Variants in NR2F1-AS1 observed in about 807,000 individuals in gnomAD.
NR2F1-AS1 encodes the protein NR2F1 antisense RNA 1.
At chr5:93,498,570 C>T (rs1478949880) in intron 4 of NR2F1-AS1, among the ~76,000 whole-genome samples, 5 of 151,928 alleles carry the variant, frequency 3.3e-5, no homozygotes, top group African/African-American at 4.8e-5. Flanking sequence ...TATTCAAACT[C>T]GCAGAACAGC....
chr5:93,461,648 A>T (rs1750096824), intron 4 of NR2F1-AS1, among the ~76,000 whole-genome samples: 1 of 152,222 alleles, frequency 6.6e-6, no homozygotes, highest in Admixed American at 6.5e-5. Flanking sequence ...TTACCTTCAA[A>T]GCAAAGAGGT....
rs370794079 is a variant in NR2F1-AS1, at chr5:93,552,446, T to C, written n.638+1315A>G. On this transcript the variant is annotated intron_variant and non_coding_transcript_variant, in intron 4 of 5. Transcript: ENST00000660523. ...TAACATGTAAGAAGTACATGTTACA[T>C]GTTGGGTGGTAAGGGAAAAGGCTGC... Among the ~76,000 whole-genome samples the C allele has an allele frequency of 5.3e-5, 8 of 152,224 alleles. No homozygotes were observed. The South Asian group carries it at 1.7e-3, about 32-fold the overall frequency.
At chr5:93,487,245 G>C (rs550904556) in intron 4 of NR2F1-AS1, among the ~76,000 whole-genome samples, 1 of 151,952 alleles carries the variant, frequency 6.6e-6, no homozygotes, top group Non-Finnish European at 1.5e-5. Flanking sequence ...AGTTCTGGCC[G>C]CAGCAATCAA....
At chr5:93,564,249 ATG>A (rs1752567431) in intron 1 of NR2F1-AS1, among the ~76,000 whole-genome samples, 1 of 151,186 alleles carries the variant, frequency 6.6e-6, no homozygotes, top group Non-Finnish European at 1.5e-5. Flanking sequence ...GTTCCCAAGT[ATG>A]CATTTGTAGA....
intron 4 of NR2F1-AS1, among the ~76,000 whole-genome samples, chr5:93,472,953 A>C (rs1236769842): frequency 6.6e-6 from 1 of 151,974 alleles, no homozygotes; most frequent in African/African-American, 2.4e-5. Context: ...GTTTTGATTT[A>C]AACATGACCT....
In NR2F1-AS1 at chr5:93,579,312, G is replaced by C. The variant is rs2149934724; in HGVS notation, n.313+1155C>G. Reference sequence around the variant, plus strand: ...TTCCCACTCCCACCCCTGGGACTAGGACAGGGGACTTCACCCTCCTCCTTC... The same window carrying C: ...TTCCCACTCCCACCCCTGGGACTAGCACAGGGGACTTCACCCTCCTCCTTC... On this transcript the variant is annotated intron_variant and non_coding_transcript_variant, in intron 1 of 5. Coordinates refer to ENST00000660523, the Ensembl canonical transcript of NR2F1-AS1. This position sits in a 1 kb window ranked among gnomAD's most constrained non-coding sequence, Gnocchi z 5.1. Among the ~76,000 whole-genome samples the C allele has an allele frequency of 6.6e-6, 1 of 152,100 alleles. No homozygotes were observed. The highest frequency in any genetic ancestry group is 2.1e-4 in the South Asian group (1 of 4,810).
rs1752979166 is a variant in NR2F1-AS1, at chr5:93,579,817, C to T, written n.313+650G>A. 1.3e-5 allele frequency among the ~76,000 whole-genome samples: 2 copies of T among 152,236 alleles called. No individual in the cohort carries two copies. Among genetic ancestry groups the T allele is most frequent in the Admixed American group, 6.5e-5 (1 of 15,288 alleles). On this transcript the variant is annotated intron_variant and non_coding_transcript_variant, in intron 1 of 5. Coordinates refer to ENST00000660523, the Ensembl canonical transcript of NR2F1-AS1. The surrounding 1 kb of genome is among the most constrained non-coding windows in gnomAD (Gnocchi z 5.1). ...CAGGGAGTCTGGCTCGGCTGCTAGGCTGCGAATCCCGGTGCTCTCTCGCCG... is the reference window on the plus strand; with the variant it reads ...CAGGGAGTCTGGCTCGGCTGCTAGGTTGCGAATCCCGGTGCTCTCTCGCCG...
intron 4 of NR2F1-AS1, among the ~76,000 whole-genome samples, chr5:93,532,463 T>C (rs1372579029): frequency 6.6e-6 from 1 of 152,038 alleles, no homozygotes; most frequent in Non-Finnish European, 1.5e-5. Flanking sequence ...CAACTCTCAG[T>C]AGTCTGTTGG....
chr5:93,585,161 G>T, upstream of NR2F1-AS1: 1 of 1,195,502 alleles, frequency 8.4e-7, no homozygotes. Context: ...AGGCGGGCTC[G>T]GGCGCGCCGC....
chr5:93,456,096 T>C (rs1158401451), intron 4 of NR2F1-AS1, among the ~76,000 whole-genome samples: 1 of 152,080 alleles, frequency 6.6e-6, no homozygotes, highest in Non-Finnish European at 1.5e-5. Context: ...AAAAAAATAA[T>C]AACAGGCACA....
intron 2 of NR2F1-AS1, among the ~76,000 whole-genome samples, chr5:93,556,817 C>A (rs553456921): frequency 1.3e-5 from 2 of 152,290 alleles, no homozygotes; most frequent in African/African-American, 4.8e-5. Context: ...GACTTCTATC[C>A]TCCAGAACTG....
At chr5:93,441,471 C>T (rs1004180642) in intron 4 of NR2F1-AS1, among the ~76,000 whole-genome samples, 1 of 152,188 alleles carries the variant, frequency 6.6e-6, no homozygotes, top group African/African-American at 2.4e-5. Flanking sequence ...ACAGTGCAAA[C>T]AGCTGAGGGA....
chr5:93,483,250 G>C (rs1750640752), intron 4 of NR2F1-AS1, among the ~76,000 whole-genome samples: 1 of 152,166 alleles, frequency 6.6e-6, no homozygotes, highest in South Asian at 2.1e-4. Flanking sequence ...TCCAGAGGAA[G>C]GAAAAGGCAG....
intron 4 of NR2F1-AS1, among the ~76,000 whole-genome samples, chr5:93,551,886 T>G (rs956297305): frequency 2.0e-4 from 30 of 152,148 alleles, no homozygotes; most frequent in Non-Finnish European, 1.9e-4. Flanking sequence ...TCCAAGAAAC[T>G]AGTATAATTA....
intron 4 of NR2F1-AS1, among the ~76,000 whole-genome samples, chr5:93,475,818 G>A (rs907428108): frequency 6.6e-6 from 1 of 152,036 alleles, no homozygotes; most frequent in Non-Finnish European, 1.5e-5. Flanking sequence ...GACCCCCCAC[G>A]TTCACTGTAT....
intron 4 of NR2F1-AS1, among the ~76,000 whole-genome samples, chr5:93,538,850 T>C (rs1400684797): frequency 6.6e-6 from 1 of 152,214 alleles, no homozygotes; most frequent in Non-Finnish European, 1.5e-5. Flanking sequence ...GAACTGCCCC[T>C]TGTTTCTATC....
At chr5:93,541,571 G>C (rs1191361476) in intron 4 of NR2F1-AS1, among the ~76,000 whole-genome samples, 1 of 152,086 alleles carries the variant, frequency 6.6e-6, no homozygotes, top group Non-Finnish European at 1.5e-5. Context: ...TGGGGACTTT[G>C]CAACTTTACC....
intron 1 of NR2F1-AS1, among the ~76,000 whole-genome samples, chr5:93,573,155 C>T (rs1166550869): frequency 6.6e-6 from 1 of 152,184 alleles, no homozygotes; most frequent in Non-Finnish European, 1.5e-5. Flanking sequence ...TTCGCAAGAC[C>T]GCAGCTCCCT....
At chr5:93,452,321 A>C (rs1446135323) in intron 4 of NR2F1-AS1, among the ~76,000 whole-genome samples, 1 of 152,182 alleles carries the variant, frequency 6.6e-6, no homozygotes, top group African/African-American at 2.4e-5. Flanking sequence ...TATATGAAAC[A>C]ATAGTTTTCA....
Sources: allele counts gnomAD v4.1 joint callset (sites outside exome capture counted in the v4.1 genomes callset), GRCh38; gene constraint gnomAD v4.1.1; non-coding constraint Gnocchi (gnomAD v3.1); transcripts MANE v1.5; gene names NCBI Gene and HGNC (gene_info 2026-07-23, HGNC 2026-07-21).